SFT2D1: variants seen among roughly 807,000 people sequenced by gnomAD.
SFT2D1 encodes vesicle transport protein SFT2A.
Under a neutral mutation model 28.1 loss-of-function variants are expected in SFT2D1, and 24 were observed. That is an observed-to-expected ratio of 0.85 (90% confidence interval 0.62 to 1.20). SFT2D1 has a LOEUF of 1.20. Among genes scored for constraint, SFT2D1 ranks in the 50% most tolerant of loss-of-function variants. The pLI, the probability that SFT2D1 is intolerant of heterozygous loss-of-function variation, is 0.00. For missense variants in SFT2D1, 181 were observed against 190.9 expected, an observed-to-expected ratio of 0.95 and a Z score of 0.31; for synonymous variants, 82 against 73.7, an observed-to-expected ratio of 1.11 and a Z score of -0.58.
chr6:166,331,381 T>C (rs1778545311), intron 1 of SFT2D1: 1 of 152,668 alleles, frequency 6.6e-6, no homozygotes, highest in Non-Finnish European at 1.5e-5. Context: ...GTTACATTCC[T>C]TACCTCAAGA....
At chr6:166,338,102 A>C (rs769825448) in intron 1 of SFT2D1, among the ~76,000 whole-genome samples, 3 of 152,220 alleles carry the variant, frequency 2.0e-5, no homozygotes, top group Non-Finnish European at 4.4e-5. Flanking sequence ...TCTGTTGTTT[A>C]TAAATCACAA....
intron 7 of SFT2D1, among the ~76,000 whole-genome samples, chr6:166,322,515 T>C (rs1347808028): frequency 6.6e-6 from 1 of 151,494 alleles, no homozygotes; most frequent in East Asian, 2.0e-4. Context: ...CATGGTGAAA[T>C]CCCGTCTCTA....
At position 166,330,017 on chromosome 6, in the gene SFT2D1, AC is replaced by A. The variant is rs1778520878; in HGVS notation, c.150+143del. 12 of 559,234 alleles carry A rather than the reference AC, an allele frequency of 2.1e-5. No homozygotes were observed. The Middle Eastern group carries it at 3.9e-3, about 183-fold the overall frequency. The allele number at this position is 559,234 out of a possible 1,614,324, so 34.6% of individuals were successfully genotyped here. A position where few individuals can be genotyped will look rare whatever the true frequency, so the allele number is the denominator to read the frequency against. On this transcript the variant is annotated intron_variant, in intron 2 of 7. Transcript: ENST00000361731. ...TTTCTACGTATTTTCATTGATCTCT[AC>A]CCCTTTATTTTAGTTTAATAAATAC...
intron 1 of SFT2D1, chr6:166,331,541 G>A (rs1387748368): frequency 6.6e-6 from 1 of 152,294 alleles, no homozygotes; most frequent in Non-Finnish European, 1.5e-5. Context: ...TCTGTTTATG[G>A]CAAAACTAAA....
chr6:166,335,875 T>C (rs560747762), intron 1 of SFT2D1, among the ~76,000 whole-genome samples: 4 of 152,362 alleles, frequency 2.6e-5, no homozygotes, highest in African/African-American at 7.2e-5. Context: ...GCCCAGCTGC[T>C]ACAAAGAAGA....
At chr6:166,334,878 G>T in intron 1 of SFT2D1, 1 of 422,448 alleles carries the variant, frequency 2.4e-6, no homozygotes, top group Non-Finnish European at 4.6e-6. Flanking sequence ...AAGACGAGGT[G>T]CCCAACTGTG....
At position 166,326,277 on chromosome 6, in the gene SFT2D1, AAAT is replaced by A. The variant is rs552270206; in HGVS notation, c.316-113_316-111del. The stretch of plus-strand genomic sequence containing the variant: ...ACATAGGGAATATACTATAGAACAA[AAAT>A]AAGAATACAGCTGAATAGTTTTACT... On this transcript the variant is annotated intron_variant, in intron 4 of 7. Transcript: ENST00000361731. 1.3e-3 allele frequency: 1,092 copies of A among 868,334 alleles called. 2 individuals are homozygous for A. Among genetic ancestry groups the A allele is most frequent in the Middle Eastern group, 5.9e-3 (19 of 3,246 alleles). 53.8% of individuals were successfully genotyped at this position (868,334 alleles called of 1,614,324 possible). A position where few individuals can be genotyped will look rare whatever the true frequency, so the allele number is the denominator to read the frequency against.
chr6:166,330,213 C>A lies in SFT2D1; in HGVS notation c.98G>T (p.Arg33Ile). 6.2e-7 allele frequency: 1 copy of A among 1,607,302 alleles called. No homozygotes were observed. The highest frequency in any genetic ancestry group is 8.5e-7 in the Non-Finnish European group (1 of 1,177,852). Residue 33 changes from arginine to isoleucine, a missense_variant, in exon 2 of 8, where the codon AGA becomes ATA. Arg to Ile is a moderately conservative substitution (Grantham distance 97). Coordinates refer to ENST00000361731, the MANE Select transcript of SFT2D1 (RefSeq NM_145169.3). Reference sequence around the variant, plus strand: ...GAAGCAGATGGCAAACCATTTCAATCTGGTGTTGAAACTAAGGGATGAGGC... The same window carrying A: ...GAAGCAGATGGCAAACCATTTCAATATGGTGTTGAAACTAAGGGATGAGGC... ...LDASSLSFNT[R>I]LKWFAICFVC... is the part of the protein sequence containing the mutation.
chr6:166,321,337 G>A (rs563623737), intron 7 of SFT2D1, among the ~76,000 whole-genome samples: 1 of 152,252 alleles, frequency 6.6e-6, no homozygotes, highest in Non-Finnish European at 1.5e-5. Flanking sequence ...TCGAGTGTGG[G>A]ATCCTGTGTC....
At chr6:166,327,731 A>C (rs574458895) in intron 4 of SFT2D1, among the ~76,000 whole-genome samples, 1 of 152,228 alleles carries the variant, frequency 6.6e-6, no homozygotes, top group East Asian at 1.9e-4. Flanking sequence ...ACGCAGCAGA[A>C]GCAGGCTTTA....
rs149330537 is a variant in SFT2D1, at chr6:166,322,440, C to G, written c.440+417G>C. On this transcript the variant is annotated intron_variant, in intron 7 of 7. Transcript: ENST00000361731. ...GGCGCGGTGGCTCACGGTTGTAATC[C>G]CAGCACTTTGGGAGGCTGAGGCGGT... 2.6e-3 allele frequency among the ~76,000 whole-genome samples: 396 copies of G among 151,830 alleles called. 2 individuals are homozygous for G. The highest frequency in any genetic ancestry group is 9.2e-3 in the African/African-American group (383 of 41,436).
chr6:166,342,516 G>T lies in SFT2D1; in HGVS notation c.-35C>A. The T allele has an allele frequency of 6.6e-7, 1 of 1,523,012 alleles. No individual in the cohort carries two copies. The highest frequency in any genetic ancestry group is 8.9e-7 in the Non-Finnish European group (1 of 1,124,246). 94.3% of individuals were successfully genotyped at this position (1,523,012 alleles called of 1,614,324 possible). ...ACAGGGCCGTAGCGGCCGCCACTCTGTTGCCTGCCCCTGACGCCCACCAGG... is the reference window on the plus strand; with the variant it reads ...ACAGGGCCGTAGCGGCCGCCACTCTTTTGCCTGCCCCTGACGCCCACCAGG... On this transcript the variant is annotated 5_prime_UTR_variant, in exon 1 of 8. Transcript: ENST00000361731.
At chr6:166,335,365 T>C in intron 1 of SFT2D1, 1 of 575,066 alleles carries the variant, frequency 1.7e-6, no homozygotes, top group South Asian at 1.4e-5. Context: ...GCTCCAATGA[T>C]TTTGGCAATT....
chr6:166,325,404 T>C (rs1032254253), intron 5 of SFT2D1, among the ~76,000 whole-genome samples: 9 of 152,148 alleles, frequency 5.9e-5, no homozygotes, highest in African/African-American at 1.7e-4. Flanking sequence ...TTGAGTACAA[T>C]AGAAAAATAT....
intron 1 of SFT2D1, among the ~76,000 whole-genome samples, chr6:166,340,891 CCAGT>C (rs1246488679): frequency 6.6e-6 from 1 of 152,212 alleles, no homozygotes; most frequent in Admixed American, 6.5e-5. Flanking sequence ...GTCTATACAG[CCAGT>C]CACTCTAATC....
Position 166,328,259 on chromosome 6 carries a change from A to G in SFT2D1, c.315+17T>C, listed in dbSNP as rs552759943. The G allele has an allele frequency of 1.3e-5, 20 of 1,529,872 alleles. No individual in the cohort carries two copies. In the South Asian group the frequency reaches 2.5e-4, roughly 19 times the overall value. The allele number at this position is 1,529,872 out of a possible 1,614,324, so 94.8% of individuals were successfully genotyped here. Reference sequence around the variant, plus strand: ...GAATACTTCAATAAAAGTTTTAAAAATGTATTATTTACTTACAAGCATAAC... The same window carrying G: ...GAATACTTCAATAAAAGTTTTAAAAGTGTATTATTTACTTACAAGCATAAC... On this transcript the variant is annotated intron_variant, in intron 4 of 7. Transcript: ENST00000361731.
chr6:166,325,084 C>G (rs571985916), intron 5 of SFT2D1, among the ~76,000 whole-genome samples: 24 of 152,214 alleles, frequency 1.6e-4, no homozygotes, highest in African/African-American at 5.5e-4. Flanking sequence ...AAAATATTTT[C>G]AGAATTCCTT....
intron 1 of SFT2D1, among the ~76,000 whole-genome samples, chr6:166,339,609 C>T (rs537111010): frequency 4.6e-5 from 7 of 152,250 alleles, no homozygotes; most frequent in African/African-American, 1.7e-4. Context: ...AGACTGCTCT[C>T]GTGGAAGTGA....
At chr6:166,339,239 T>C (rs574525011) in intron 1 of SFT2D1, among the ~76,000 whole-genome samples, 143 of 152,250 alleles carry the variant, frequency 9.4e-4, no homozygotes, top group African/African-American at 3.3e-3. Flanking sequence ...GGCTCTCCCC[T>C]GTGAATCCTG....
Sources: allele counts gnomAD v4.1 joint callset (sites outside exome capture counted in the v4.1 genomes callset), GRCh38; gene constraint gnomAD v4.1.1; transcripts MANE v1.5; gene names NCBI Gene and HGNC (gene_info 2026-07-23, HGNC 2026-07-21).